Variants in TPGS1 observed in about 807,000 individuals in gnomAD.
TPGS1 encodes the protein gene trap ROSA b-geo 22.
A neutral mutation model predicts 11.9 loss-of-function variants in TPGS1; 18 were observed. The observed-to-expected ratio is 1.51, with a 90% CI of 1.04 to 2.24. The LOEUF (loss-of-function observed/expected upper bound fraction) is 2.24, where lower values mean the gene tolerates loss of function less well. Among genes scored for constraint, TPGS1 ranks in the 30% most tolerant of loss-of-function variants. TPGS1 has a pLI of 0.00. For missense variants in TPGS1, 500 were observed against 443.0 expected, an observed-to-expected ratio of 1.13 and a Z score of -1.16; for synonymous variants, 247 against 218.2, an observed-to-expected ratio of 1.13 and a Z score of -1.16.
chr19:518,397 G>C (rs1339430346), intron 1 of TPGS1, among the ~76,000 whole-genome samples: 55 of 104,598 alleles, frequency 5.3e-4, no homozygotes, highest in East Asian at 8.8e-4. Flanking sequence ...AGGGAGGCCC[G>C]GGCTGGGTAG....
intron 1 of TPGS1, among the ~76,000 whole-genome samples, chr19:512,444 G>A (rs1010758851): frequency 1.3e-5 from 2 of 152,198 alleles, no homozygotes; most frequent in African/African-American, 4.8e-5. Flanking sequence ...CTCACAGGCA[G>A]GAGCCACGGC....
intron 1 of TPGS1, chr19:510,415 C>T (rs566153837): frequency 1.3e-5 from 2 of 152,476 alleles, no homozygotes; most frequent in South Asian, 2.1e-4. Flanking sequence ...AGATTTGTCC[C>T]CACTCAGTCC....
rs1335767510 is a variant in TPGS1, at chr19:518,918, C to T, written c.368C>T (p.Ala123Val). ...GCCTTCAACAACAACGTGAGCGTGG[C>T]CTACGAGTGCCTGAGCGCCGGCGGG... is the stretch of plus-strand genomic sequence containing the variant. ...RAAFNNNVSV[A>V]YECLSAGGRR... The change falls in exon 2 of 2, where the codon GCC (alanine) becomes GTC (valine). Residue 123 changes from alanine to valine, a missense_variant. Transcript: ENST00000359315. 4.5e-6 allele frequency: 7 copies of T among 1,571,754 alleles called. No homozygotes were observed. Among genetic ancestry groups the T allele is most frequent in the Non-Finnish European group, 6.0e-6 (7 of 1,166,202 alleles).
chr19:516,333 TAC>T (rs1978953483), intron 1 of TPGS1, among the ~76,000 whole-genome samples: 1 of 151,818 alleles, frequency 6.6e-6, no homozygotes, highest in South Asian at 2.1e-4. Context: ...GGAAGCAAGT[TAC>T]AGAGGCGAGA....
intron 1 of TPGS1, among the ~76,000 whole-genome samples, chr19:514,149 ACC>A: frequency 6.7e-6 from 1 of 149,874 alleles, no homozygotes; most frequent in South Asian, 2.1e-4. Flanking sequence ...ATTACTGAGC[ACC>A]CACTGCACAC....
chr19:515,130 CG>C lies in TPGS1; in HGVS notation c.339-3757del, dbSNP rs1978912919. Among the ~76,000 whole-genome samples, 3 of 152,188 alleles carry C rather than the reference CG, an allele frequency of 2.0e-5. No individual in the cohort carries two copies. The South Asian group carries it at 6.2e-4, about 31-fold the overall frequency. On this transcript the variant is annotated intron_variant, in intron 1 of 1. Coordinates refer to ENST00000359315, the MANE Select transcript of TPGS1 (RefSeq NM_033513.3). ...GAAGCTGCCACAGGCCACATGTCAG[CG>C]GACTGATGTGGTTATGTTCCGATAA... is the stretch of plus-strand genomic sequence containing the variant.
intron 1 of TPGS1, among the ~76,000 whole-genome samples, chr19:512,548 C>G (rs1037734091): frequency 6.6e-6 from 1 of 151,948 alleles, no homozygotes. Context: ...AGCACGATGG[C>G]TCTTAACATT....
intron 1 of TPGS1, 165 bp downstream of exon 1, chr19:508,009 G>T (rs1978677566): frequency 2.0e-6 from 1 of 512,206 alleles, no homozygotes; most frequent in Non-Finnish European, 3.0e-6. Flanking sequence ...AAGGTGGGCT[G>T]GAGGGTCCGG....
chr19:517,096 G>A (rs779345703), intron 1 of TPGS1, among the ~76,000 whole-genome samples: 2 of 151,860 alleles, frequency 1.3e-5, no homozygotes, highest in Admixed American at 6.6e-5. Flanking sequence ...ACGAACTTCC[G>A]GCCCTGGAGG....
At chr19:509,759 G>A (rs550411163) in intron 1 of TPGS1, 1 of 152,590 alleles carries the variant, frequency 6.6e-6, no homozygotes, top group African/African-American at 2.4e-5. Flanking sequence ...CTCTCAGTCT[G>A]AGGTTCTGGA....
At chr19:512,621 C>G (rs1320227219) in intron 1 of TPGS1, among the ~76,000 whole-genome samples, 3 of 152,284 alleles carry the variant, frequency 2.0e-5, no homozygotes, top group Non-Finnish European at 2.9e-5. Context: ...CCCAGAGGCT[C>G]ACCCTCGGCG....
At chr19:516,934 A>G (rs117024528) in intron 1 of TPGS1, among the ~76,000 whole-genome samples, 2,364 of 152,272 alleles carry the variant, frequency 0.016, 32 homozygotes, top group Middle Eastern at 0.048. Flanking sequence ...TAAAATTTCT[A>G]TGACTACTAC....
chr19:508,012 G>A (rs906224347), intron 1 of TPGS1, 168 bp downstream of exon 1: 42 of 507,386 alleles, frequency 8.3e-5, no homozygotes, highest in African/African-American at 6.5e-4. Flanking sequence ...GTGGGCTGGA[G>A]GGTCCGGGCT....
At chr19:515,516 C>G (rs964319607) in intron 1 of TPGS1, among the ~76,000 whole-genome samples, 1 of 146,828 alleles carries the variant, frequency 6.8e-6, no homozygotes, top group Non-Finnish European at 1.5e-5. Context: ...GGTGGGCGGA[C>G]CACGAGGTCA....
intron 1 of TPGS1, 107 bp from the exon 2 acceptor site, chr19:518,782 C>A: frequency 3.5e-6 from 4 of 1,158,942 alleles, no homozygotes; most frequent in Non-Finnish European, 4.3e-6. Flanking sequence ...GAGGCCAGGG[C>A]TGGCTGGGGG....
At chr19:508,866 C>T (rs1011580706) in intron 1 of TPGS1, 1 of 152,382 alleles carries the variant, frequency 6.6e-6, no homozygotes, top group African/African-American at 2.4e-5. Context: ...GTGTTGGGTA[C>T]CTGGACAAGG....
chr19:514,970 CT>C (rs1443423440), intron 1 of TPGS1, among the ~76,000 whole-genome samples: 2 of 152,356 alleles, frequency 1.3e-5, no homozygotes, highest in East Asian at 3.9e-4. Flanking sequence ...AGGCTCCTCA[CT>C]GGGGCAGGGA....
chr19:513,203 C>A (rs953582199), intron 1 of TPGS1, among the ~76,000 whole-genome samples: 2 of 152,210 alleles, frequency 1.3e-5, no homozygotes, highest in Non-Finnish European at 2.9e-5. Context: ...GCGGAGAGGT[C>A]AGGCGTGATG....
At chr19:512,337 A>T (rs1978820822) in intron 1 of TPGS1, among the ~76,000 whole-genome samples, 1 of 151,236 alleles carries the variant, frequency 6.6e-6, no homozygotes, top group Non-Finnish European at 1.5e-5. Context: ...CTGATTTTTA[A>T]ATTTTTGTAG....
Sources: gnomAD v4.1 joint callset for allele counts (sites outside exome capture counted in the v4.1 genomes callset) on GRCh38, gnomAD v4.1.1 for gene constraint, MANE v1.5 for transcripts, NCBI Gene and HGNC (gene_info 2026-07-23, HGNC 2026-07-21) for gene names.